Variants in LRGUK observed in about 807,000 individuals in gnomAD.
The protein encoded by LRGUK is leucine-rich repeat and guanylate kinase domain-containing protein.
LRGUK carries 65 observed loss-of-function variants against 76.0 expected under a neutral mutation model. The observed-to-expected ratio is 0.85, with a 90% CI of 0.70 to 1.05. The LOEUF (loss-of-function observed/expected upper bound fraction) is 1.05, where lower values mean the gene tolerates loss of function less well. LRGUK is among the 50% of genes least tolerant of loss of function. The pLI, the probability that LRGUK is intolerant of heterozygous loss-of-function variation, is 0.00. For synonymous variants in LRGUK, 268 were observed against 265.6 expected (o/e 1.01, Z -0.09); for missense variants, 758 against 732.8 (o/e 1.03, Z -0.40).
At chr7:134,146,291 A>G (rs2116859867) in intron 4 of LRGUK, among the ~76,000 whole-genome samples, 1 of 152,208 alleles carries the variant, frequency 6.6e-6, no homozygotes, top group Non-Finnish European at 1.5e-5. Context: ...AAAGAAACCT[A>G]ATACCATAGC....
intron 10 of LRGUK, 138 bp downstream of exon 10, chr7:134,178,747 C>A: frequency 1.8e-6 from 1 of 546,654 alleles, no homozygotes; most frequent in East Asian, 3.0e-5. Flanking sequence ...GGGAAGGGGC[C>A]AAGTCTTTAT....
chr7:134,217,191 T>C (rs1356891018), intron 15 of LRGUK, among the ~76,000 whole-genome samples: 2 of 150,120 alleles, frequency 1.3e-5, no homozygotes, highest in African/African-American at 2.5e-5. Flanking sequence ...GCCTTATTGC[T>C]CTATGTTTTA....
intron 18 of LRGUK, among the ~76,000 whole-genome samples, chr7:134,254,479 G>A (rs1802523920): frequency 6.6e-6 from 1 of 152,058 alleles, no homozygotes; most frequent in African/African-American, 2.4e-5. Context: ...CCCACTTCCT[G>A]GTTTCCAGAT....
chr7:134,150,634 C>T (rs1264441027), intron 5 of LRGUK, among the ~76,000 whole-genome samples: 1 of 152,048 alleles, frequency 6.6e-6, no homozygotes, highest in Non-Finnish European at 1.5e-5. Flanking sequence ...ATCTCTTGTC[C>T]CCCAGAAAAA....
intron 1 of LRGUK, among the ~76,000 whole-genome samples, chr7:134,133,414 A>C (rs947816969): frequency 3.3e-5 from 5 of 152,078 alleles, no homozygotes; most frequent in Non-Finnish European, 5.9e-5. Context: ...ACTGACATAC[A>C]ATGGGGGCCC....
chr7:134,145,716 C>T (rs900053277), intron 4 of LRGUK, among the ~76,000 whole-genome samples: 5 of 152,172 alleles, frequency 3.3e-5, no homozygotes, highest in African/African-American at 1.2e-4. Flanking sequence ...CACATCTTTC[C>T]AGTAAGTCAG....
rs984748995 is a variant in LRGUK at position 134,139,734 on chromosome 7, A to G, written c.487+217A>G. 3.3e-5 allele frequency among the ~76,000 whole-genome samples: 5 copies of G among 152,182 alleles called. No homozygotes were observed. In the South Asian group the frequency reaches 6.2e-4, roughly 19 times the overall value. On this transcript the variant is annotated intron_variant, in intron 3 of 15. Transcript: ENST00000645682. ...TGATGATGTGGCTGAGATGCAGTCA[A>G]TGATATTTAAGACTAGGAGATGGAA...
intron 7 of LRGUK, among the ~76,000 whole-genome samples, chr7:134,168,083 C>A (rs1799069825): frequency 6.6e-6 from 1 of 152,144 alleles, no homozygotes; most frequent in African/African-American, 2.4e-5. Context: ...CTTGGCCAGG[C>A]ATGGTGACTC....
intron 7 of LRGUK, among the ~76,000 whole-genome samples, chr7:134,173,403 T>G (rs1297634670): frequency 6.6e-5 from 10 of 152,238 alleles, no homozygotes; most frequent in Non-Finnish European, 1.5e-4. Context: ...TGCTTTCCAA[T>G]GCATGCAGAA....
At chr7:134,227,199 G>A (rs1403705201) in intron 16 of LRGUK, among the ~76,000 whole-genome samples, 1 of 152,134 alleles carries the variant, frequency 6.6e-6, no homozygotes. Flanking sequence ...ACATGGTTGA[G>A]GGCTGAATTG....
chr7:134,245,204 AC>A (rs1477981344), intron 16 of LRGUK, among the ~76,000 whole-genome samples: 1 of 152,186 alleles, frequency 6.6e-6, no homozygotes, highest in Non-Finnish European at 1.5e-5. Flanking sequence ...CAAACAAAAA[AC>A]AAAACAAAAA....
chr7:134,139,587 G>A (rs1281025217), intron 3 of LRGUK, 70 bp downstream of exon 3: 2 of 901,754 alleles, frequency 2.2e-6, no homozygotes, highest in African/African-American at 3.3e-5. Context: ...ATGTAATATG[G>A]TTTAATAATG....
chr7:134,204,547 T>G (rs1800923368), intron 15 of LRGUK, among the ~76,000 whole-genome samples: 1 of 152,246 alleles, frequency 6.6e-6, no homozygotes, highest in African/African-American at 2.4e-5. Flanking sequence ...TTTGTTTTTT[T>G]GGCATGTTTA....
At chr7:134,128,681 C>CT (rs1411253336) in intron 1 of LRGUK, among the ~76,000 whole-genome samples, 1 of 152,208 alleles carries the variant, frequency 6.6e-6, no homozygotes, top group Non-Finnish European at 1.5e-5. Context: ...TCCCGAGTAG[C>CT]TGGGACTACA....
chr7:134,224,492 A>T (rs566973604), intron 16 of LRGUK, among the ~76,000 whole-genome samples: 2 of 152,292 alleles, frequency 1.3e-5, no homozygotes, highest in Admixed American at 1.3e-4. Context: ...CTTATAAATG[A>T]TGAGGACACA....
chr7:134,127,667 G>A lies in LRGUK; in HGVS notation c.297+3G>A, dbSNP rs760186857. 3 of 1,610,750 alleles carry A rather than the reference G, an allele frequency of 1.9e-6. No individual in the cohort carries two copies. The highest frequency in any genetic ancestry group is 2.2e-5 in the East Asian group (1 of 44,810). Reference sequence around the variant, plus strand: ...AGTCCGAAATGCTGAATTTGGAGGTGTGTCTTCCCCCCCACCCCGTACTCC... The same window carrying A: ...AGTCCGAAATGCTGAATTTGGAGGTATGTCTTCCCCCCCACCCCGTACTCC... On this transcript the variant is annotated splice_donor_region_variant and intron_variant, in intron 1 of 15. Coordinates refer to ENST00000645682, the Ensembl canonical transcript of LRGUK.
At chr7:134,178,933 A>AAAAAAAAAAAAAAAAACC (rs1228638281) in intron 10 of LRGUK, among the ~76,000 whole-genome samples, 28 of 13,646 alleles carry the variant, frequency 2.1e-3, no homozygotes, top group South Asian at 8.5e-3. Context: ...TCTCAAAAAA[A>AAAAAAAAAAAAAAAAACC]AAAAAAAAAA....
At chr7:134,230,859 G>C (rs1801872144) in intron 16 of LRGUK, among the ~76,000 whole-genome samples, 1 of 152,240 alleles carries the variant, frequency 6.6e-6, no homozygotes, top group South Asian at 2.1e-4. Context: ...GTAAAAGTCA[G>C]GAGAGTGCTT....
intron 15 of LRGUK, 136 bp downstream of exon 15, chr7:134,201,712 T>C: frequency 1.6e-6 from 1 of 609,114 alleles, no homozygotes; most frequent in South Asian, 2.0e-5. Context: ...TCTGGGGCAA[T>C]TGTCCCCAAA....
Sources: allele counts gnomAD v4.1 joint callset (sites outside exome capture counted in the v4.1 genomes callset), GRCh38; gene constraint gnomAD v4.1.1; transcripts MANE v1.5; gene names NCBI Gene and HGNC (gene_info 2026-07-23, HGNC 2026-07-21).